The following NALF1 variants were observed in gnomAD, a reference collection of about 807,000 sequenced individuals.
The protein encoded by NALF1 is family with sequence similarity 155 member A.
NALF1 carries 3 observed loss-of-function variants against 48.4 expected under a neutral mutation model. The ratio of observed to expected loss-of-function variants is 0.06; its 90% confidence interval spans 0.03 to 0.16. NALF1 has a LOEUF of 0.16. Ranked by LOEUF, NALF1 falls within the 10% of genes least tolerant of loss-of-function variation. The pLI, the probability that NALF1 is intolerant of heterozygous loss-of-function variation, is 1.00. For missense variants in NALF1, 526 were observed against 571.5 expected (o/e 0.92, Z 0.81); for synonymous variants, 262 against 245.7 (o/e 1.07, Z -0.62).
intron 1 of NALF1, among the ~76,000 whole-genome samples, chr13:107,246,711 A>G (rs1022732916): frequency 1.3e-5 from 2 of 152,220 alleles, no homozygotes; most frequent in African/African-American, 2.4e-5. Flanking sequence ...AAGCCTATTT[A>G]AACAAAAGAA....
chr13:107,435,205 T>C (rs1445717822), intron 1 of NALF1, among the ~76,000 whole-genome samples: 1 of 152,000 alleles, frequency 6.6e-6, no homozygotes, highest in South Asian at 2.1e-4. Flanking sequence ...AGGAACAAAA[T>C]AGGCATGTTC....
chr13:107,443,764 T>C (rs979372789), intron 1 of NALF1, among the ~76,000 whole-genome samples: 3 of 152,126 alleles, frequency 2.0e-5, no homozygotes, highest in African/African-American at 4.8e-5. Context: ...TTGAAATAAA[T>C]ATTTGCTAGG....
At chr13:107,639,950 C>T (rs952593120) in intron 1 of NALF1, among the ~76,000 whole-genome samples, 3 of 152,142 alleles carry the variant, frequency 2.0e-5, no homozygotes, top group South Asian at 2.1e-4. Flanking sequence ...TTATTTAACA[C>T]ATCTTATATT....
At chr13:107,380,280 G>A (rs556592792) in intron 1 of NALF1, among the ~76,000 whole-genome samples, 8 of 152,200 alleles carry the variant, frequency 5.3e-5, no homozygotes, top group African/African-American at 1.7e-4. Flanking sequence ...TTGAAATAAC[G>A]TTTCCTTTAT....
In NALF1 at chr13:107,733,767, T is replaced by C. The variant is rs370414495; in HGVS notation, c.915+131915A>G. 7.7e-4 allele frequency among the ~76,000 whole-genome samples: 117 copies of C among 152,298 alleles called. 2 individuals carry two copies. In the South Asian group the frequency reaches 0.023, roughly 30 times the overall value. On this transcript the variant is annotated intron_variant, in intron 1 of 2. Transcript: ENST00000375915. Reference sequence around the variant, plus strand: ...TAATTTATTTAGATATCTTTAGATATTATGTGAAGCAAAAAATTGTTGCTA... The same window carrying C: ...TAATTTATTTAGATATCTTTAGATACTATGTGAAGCAAAAAATTGTTGCTA...
chr13:107,351,786 T>G (rs1335882018), intron 1 of NALF1, among the ~76,000 whole-genome samples: 1 of 152,212 alleles, frequency 6.6e-6, no homozygotes, highest in Non-Finnish European at 1.5e-5. Context: ...GTTGACACTG[T>G]CAACTGAGGA....
intron 1 of NALF1, among the ~76,000 whole-genome samples, chr13:107,837,928 A>G (rs1879944430): frequency 6.6e-6 from 1 of 151,412 alleles, no homozygotes; most frequent in Non-Finnish European, 1.5e-5. Flanking sequence ...ATTAAAAAAA[A>G]ACACGGTAAA....
intron 1 of NALF1, among the ~76,000 whole-genome samples, chr13:107,857,373 T>C (rs1305910356): frequency 6.6e-6 from 1 of 152,180 alleles, no homozygotes; most frequent in African/African-American, 2.4e-5. Context: ...TCACATCTTC[T>C]ACAGTGGAAT....
At chr13:107,513,226 C>G (rs1875953078) in intron 1 of NALF1, among the ~76,000 whole-genome samples, 1 of 152,170 alleles carries the variant, frequency 6.6e-6, no homozygotes, top group Admixed American at 6.5e-5. Context: ...TTACTACAAG[C>G]TTACCAATTA....
At chr13:107,829,244 A>G (rs1397314184) in intron 1 of NALF1, among the ~76,000 whole-genome samples, 1 of 152,158 alleles carries the variant, frequency 6.6e-6, no homozygotes, top group Non-Finnish European at 1.5e-5. Context: ...TCCAGCTTCC[A>G]TATTTGTTCT....
intron 1 of NALF1, among the ~76,000 whole-genome samples, chr13:107,799,907 T>C (rs1026734081): frequency 1.1e-4 from 17 of 152,134 alleles, no homozygotes; most frequent in African/African-American, 3.4e-4. Flanking sequence ...AACTAATTAC[T>C]GTAGAGAAAC....
intron 1 of NALF1, among the ~76,000 whole-genome samples, chr13:107,389,872 A>G (rs1401331886): frequency 6.6e-6 from 1 of 152,212 alleles, no homozygotes; most frequent in East Asian, 1.9e-4. Flanking sequence ...TGTGACAGTT[A>G]CTGCAAAAAA....
intron 1 of NALF1, among the ~76,000 whole-genome samples, chr13:107,533,607 T>C (rs1876711638): frequency 1.3e-5 from 2 of 152,138 alleles, no homozygotes; most frequent in Admixed American, 6.6e-5. Flanking sequence ...CACAAACAAA[T>C]GAAGATATTC....
In NALF1 at chr13:107,851,805, CTTTTTTTTTTTT is replaced by C. The variant is rs34999908; in HGVS notation, c.915+13865_915+13876del. Reference sequence around the variant, plus strand: ...GGATTAAGGGCTTTACAGGCCCTTTCTTTTTTTTTTTTTTTTTTTTTGAGACAAATTCTTGCT... The same window carrying C: ...GGATTAAGGGCTTTACAGGCCCTTTCTTTTTTTTTGAGACAAATTCTTGCT... On this transcript the variant is annotated intron_variant, in intron 1 of 2. Transcript: ENST00000375915. Among the ~76,000 whole-genome samples, 279 of 104,740 alleles carry C rather than the reference CTTTTTTTTTTTT, an allele frequency of 2.7e-3. 1 individual carries two copies. The highest frequency in any genetic ancestry group is 9.1e-3 in the African/African-American group (256 of 28,278). The allele number at this position is 104,740 out of a possible 152,430, so 68.7% of individuals were successfully genotyped here.
intron 1 of NALF1, among the ~76,000 whole-genome samples, chr13:107,617,247 A>G (rs1879403490): frequency 6.6e-6 from 1 of 152,202 alleles, no homozygotes; most frequent in African/African-American, 2.4e-5. Context: ...CAAGCTGGGT[A>G]TTCTCTAGGA....
At chr13:107,247,466 T>G (rs1213048247) in intron 1 of NALF1, among the ~76,000 whole-genome samples, 2 of 152,218 alleles carry the variant, frequency 1.3e-5, no homozygotes, top group Non-Finnish European at 2.9e-5. Context: ...AACAATGCAA[T>G]TTAGTCATTC....
chr13:107,756,152 A>G (rs962210156), intron 1 of NALF1, among the ~76,000 whole-genome samples: 2 of 152,194 alleles, frequency 1.3e-5, no homozygotes, highest in African/African-American at 4.8e-5. Context: ...AGAAACTTTT[A>G]AGAAAAATAC....
Position 107,654,974 on chromosome 13 carries a change from A to G in NALF1, c.915+210708T>C, listed in dbSNP as rs1286385458. ...CCCTTAATGATTAAAACCCTCAGCC[A>G]AATCGGTATAGAAGGGACATACCTT... On this transcript the variant is annotated intron_variant, in intron 1 of 2. Transcript: ENST00000375915. Among the ~76,000 whole-genome samples the G allele has an allele frequency of 2.6e-5, 4 of 152,288 alleles. No homozygotes were observed. The East Asian group carries it at 7.7e-4, about 29-fold the overall frequency.
intron 1 of NALF1, among the ~76,000 whole-genome samples, chr13:107,762,828 T>C (rs79082078): frequency 0.024 from 3,649 of 152,280 alleles, 121 homozygotes; most frequent in African/African-American, 0.084. Flanking sequence ...TGTTATGTCT[T>C]CCTTACAAAT....
Sources: gnomAD v4.1 joint callset for allele counts (sites outside exome capture counted in the v4.1 genomes callset) on GRCh38, gnomAD v4.1.1 for gene constraint, MANE v1.5 for transcripts, NCBI Gene and HGNC (gene_info 2026-07-23, HGNC 2026-07-21) for gene names.